CDYL: variants seen among roughly 807,000 people sequenced by gnomAD.
CDYL encodes chromodomain Y like, also known as chromodomain Y-like protein.
A neutral mutation model predicts 47.3 loss-of-function variants in CDYL; 8 were observed. That is an observed-to-expected ratio of 0.17 (90% CI 0.10 to 0.31). The LOEUF is 0.31. Ranked by LOEUF, CDYL falls within the 10% of genes least tolerant of loss-of-function variation. The pLI is 1.00. For missense variants in CDYL, 471 were observed against 701.4 expected, an observed-to-expected ratio of 0.67 and a Z score of 3.71; for synonymous variants, 266 against 265.0, an observed-to-expected ratio of 1.00 and a Z score of -0.04.
chr6:4,791,116 A>T (rs1310880174), intron 1 of CDYL, among the ~76,000 whole-genome samples: 1 of 152,192 alleles, frequency 6.6e-6, no homozygotes, highest in Non-Finnish European at 1.5e-5. Flanking sequence ...GCTTTCCAAA[A>T]CCCAACATGA....
At chr6:4,716,982 G>T (rs1010405408) in intron 2 of CDYL, among the ~76,000 whole-genome samples, 1 of 152,186 alleles carries the variant, frequency 6.6e-6, no homozygotes, top group Non-Finnish European at 1.5e-5. Context: ...ATCTCATTGG[G>T]AAAGACTTGG....
At chr6:4,870,920 T>C (rs1222779289) in intron 1 of CDYL, among the ~76,000 whole-genome samples, 1 of 152,256 alleles carries the variant, frequency 6.6e-6, no homozygotes, top group Non-Finnish European at 1.5e-5. Flanking sequence ...TTTTAAAAAA[T>C]CTTTCAAGCA....
chr6:4,796,259 T>C (rs1759071050), intron 1 of CDYL, among the ~76,000 whole-genome samples: 1 of 152,296 alleles, frequency 6.6e-6, no homozygotes, highest in African/African-American at 2.4e-5. Flanking sequence ...AGGATATTTA[T>C]TCATAGGTCT....
At chr6:4,776,833 G>A in intron 1 of CDYL, 26 bp downstream of exon 1, 1 of 895,070 alleles carries the variant, frequency 1.1e-6, no homozygotes, top group Non-Finnish European at 1.3e-6. Context: ...CCGGCCTCGG[G>A]CCGCCCCCCG....
At chr6:4,806,915 G>T (rs1759385982) in intron 1 of CDYL, among the ~76,000 whole-genome samples, 1 of 152,162 alleles carries the variant, frequency 6.6e-6, no homozygotes, top group Admixed American at 6.5e-5. Context: ...TTTCCTCACT[G>T]TTTCTGAGGG....
At chr6:4,913,357 A>G (rs576430069) in intron 2 of CDYL, among the ~76,000 whole-genome samples, 24 of 152,364 alleles carry the variant, frequency 1.6e-4, no homozygotes, top group South Asian at 1.2e-3. Context: ...TCCTCTCCAC[A>G]GCATGAGGCC....
At chr6:4,951,256 A>G (rs1758693781) in intron 5 of CDYL, among the ~76,000 whole-genome samples, 1 of 152,156 alleles carries the variant, frequency 6.6e-6, no homozygotes, top group East Asian at 1.9e-4. Flanking sequence ...GCTTTGTGAC[A>G]TCAGAGTTGT....
At chr6:4,953,034 G>A (rs1758757187) in intron 6 of CDYL, among the ~76,000 whole-genome samples, 2 of 151,160 alleles carry the variant, frequency 1.3e-5, no homozygotes, top group Non-Finnish European at 3.0e-5. Context: ...CTCCCAAAGT[G>A]CTGGAATTAC....
chr6:4,899,819 C>G (rs1487780119), intron 2 of CDYL, among the ~76,000 whole-genome samples: 1 of 152,200 alleles, frequency 6.6e-6, no homozygotes, highest in African/African-American at 2.4e-5. Context: ...CTTCAGCAGC[C>G]ATATCCCGAG....
chr6:4,818,235 A>G (rs560259583), intron 1 of CDYL, among the ~76,000 whole-genome samples: 68 of 152,328 alleles, frequency 4.5e-4, no homozygotes, highest in African/African-American at 1.6e-3. Flanking sequence ...AGCCTGGGTG[A>G]TAAAGTGAGC....
intron 2 of CDYL, among the ~76,000 whole-genome samples, chr6:4,900,373 C>G (rs62384662): frequency 0.077 from 11,684 of 152,236 alleles, 553 homozygotes; most frequent in South Asian, 0.12. Flanking sequence ...ATCCCTTACC[C>G]AGATTCACCA....
chr6:4,871,032 C>T (rs1482544254), intron 1 of CDYL, among the ~76,000 whole-genome samples: 2 of 152,126 alleles, frequency 1.3e-5, no homozygotes, highest in Non-Finnish European at 2.9e-5. Context: ...TCATGCTTTT[C>T]CTGGTGTTTT....
At chr6:4,810,810 C>T (rs1177430445) in intron 1 of CDYL, among the ~76,000 whole-genome samples, 1 of 152,188 alleles carries the variant, frequency 6.6e-6, no homozygotes, top group Non-Finnish European at 1.5e-5. Flanking sequence ...CAATCCCATT[C>T]ATGAGGGCAG....
chr6:4,757,393 A>G (rs571660526), intron 3 of CDYL, among the ~76,000 whole-genome samples: 11 of 152,328 alleles, frequency 7.2e-5, no homozygotes, highest in African/African-American at 2.4e-4. Flanking sequence ...TGTTATTTCT[A>G]TCATGGCTTT....
chr6:4,796,623 T>G (rs1759079484), intron 1 of CDYL, among the ~76,000 whole-genome samples: 1 of 152,202 alleles, frequency 6.6e-6, no homozygotes, highest in African/African-American at 2.4e-5. Flanking sequence ...TAAGGTGTAG[T>G]GCCCATCACT....
chr6:4,886,491 T>C (rs1201089280), intron 1 of CDYL, among the ~76,000 whole-genome samples: 1 of 152,232 alleles, frequency 6.6e-6, no homozygotes, highest in Non-Finnish European at 1.5e-5. Flanking sequence ...TGAGCGTCTT[T>C]CCGTGTGCTT....
At chr6:4,806,331 C>T (rs887619121) in intron 1 of CDYL, among the ~76,000 whole-genome samples, 5 of 152,236 alleles carry the variant, frequency 3.3e-5, no homozygotes, top group African/African-American at 1.2e-4. Context: ...ACCTTCACAC[C>T]TCCTCCACGC....
At chr6:4,794,263 T>G (rs1281240504) in intron 1 of CDYL, among the ~76,000 whole-genome samples, 3 of 151,952 alleles carry the variant, frequency 2.0e-5, no homozygotes, top group East Asian at 3.9e-4. Flanking sequence ...AACCGAGAGA[T>G]AGTGGTGCAC....
intron 2 of CDYL, among the ~76,000 whole-genome samples, chr6:4,723,907 T>C (rs1361501492): frequency 6.6e-6 from 1 of 152,244 alleles, no homozygotes. Flanking sequence ...AAGTTATTCA[T>C]TCCTTATGGC....
Sources: allele counts gnomAD v4.1 joint callset (sites outside exome capture counted in the v4.1 genomes callset), GRCh38; gene constraint gnomAD v4.1.1; transcripts MANE v1.5; gene names NCBI Gene and HGNC (gene_info 2026-07-23, HGNC 2026-07-21).